Variants in ZNF316 observed in about 807,000 individuals in gnomAD.
ZNF316 encodes the protein zinc finger protein 316.
In ZNF316, 23 loss-of-function variants were observed where a neutral mutation model predicts 75.6. The observed-to-expected ratio is 0.30, with a 90% confidence interval of 0.22 to 0.43. The LOEUF is 0.43. Among genes scored for constraint, ZNF316 ranks in the 20% least tolerant of loss-of-function variants. The probability of loss-of-function intolerance (pLI) is 1.00; values close to 1 mark genes in which losing one functional copy is unlikely to be tolerated. For missense variants in ZNF316, 1,266 were observed against 1,409.4 expected (o/e 0.90, Z 1.63); for synonymous variants, 827 against 666.2 (o/e 1.24, Z -3.72).
In ZNF316 at chr7:6,654,759, T is replaced by A. The variant is rs1779588505; in HGVS notation, c.*148T>A. The A allele has an allele frequency of 1.5e-6, 1 of 658,688 alleles. No homozygotes were observed. Among genetic ancestry groups the A allele is most frequent in the Non-Finnish European group, 2.0e-6 (1 of 492,566 alleles). 40.8% of individuals were successfully genotyped at this position (658,688 alleles called of 1,614,324 possible). ...TCAGCCCTCGCCCTGCGGCCCCGGG[T>A]CTCATGCCCGCCGGGTCCGTGTGCT... On this transcript the variant is annotated 3_prime_UTR_variant, in exon 9 of 9. Coordinates refer to ENST00000382252, the MANE Select transcript of ZNF316 (RefSeq NM_001278559.2).
At position 6,653,583 on chromosome 7, in the gene ZNF316, G is replaced by A. The variant is rs1779559233; in HGVS notation, c.1987G>A (p.Gly663Ser). ...CGGCGGCGGGGCCGCGGGCGGCGGA[G>A]GCGGCCTGCGCGCGTTCGGGCCCGC... ...FGGGGAAGGG[G>S]GLRAFGPAIG... Residue 663 changes from glycine (G) to serine (S), a missense_variant, in exon 9 of 9, where the codon GGC becomes AGC. Physicochemically the swap from Gly to Ser is moderately conservative, Grantham distance 56. Transcript: ENST00000382252. The A allele has an allele frequency of 9.3e-7, 1 of 1,080,778 alleles. No homozygotes were observed. The highest frequency in any genetic ancestry group is 5.4e-5 in the Admixed American group (1 of 18,612). The allele number at this position is 1,080,778 out of a possible 1,614,324, so 66.9% of individuals were successfully genotyped here. A position where few individuals can be genotyped will look rare whatever the true frequency, so the allele number is the denominator to read the frequency against.
Position 6,639,684 on chromosome 7 carries a change from T to C in ZNF316, c.-167+543T>C, listed in dbSNP as rs1779278960. Among the ~76,000 whole-genome samples the C allele has an allele frequency of 6.6e-6, 1 of 152,164 alleles. No individual in the cohort carries two copies. Among genetic ancestry groups the C allele is most frequent in the African/African-American group, 2.4e-5 (1 of 41,428 alleles). On this transcript the variant is annotated intron_variant, in intron 3 of 8. Transcript: ENST00000382252. This position sits in a 1 kb window ranked among gnomAD's most constrained non-coding sequence, Gnocchi z 4.2. ...AGGTGGTGGCCAGGCAGGAGACAGC[T>C]CTACTGAGCTTGGCATGGCACCTAG... is the stretch of plus-strand genomic sequence containing the variant.
In ZNF316 at chr7:6,654,538, G is replaced by A. The variant is rs1779581767; in HGVS notation, c.2942G>A (p.Gly981Asp). 3.4e-6 allele frequency: 4 copies of A among 1,182,272 alleles called. No individual in the cohort carries two copies. The highest frequency in any genetic ancestry group is 4.2e-6 in the Non-Finnish European group (4 of 956,184). 73.2% of individuals were successfully genotyped at this position (1,182,272 alleles called of 1,614,324 possible). A position where few individuals can be genotyped will look rare whatever the true frequency, so the allele number is the denominator to read the frequency against. Residue 981 changes from glycine (G) to aspartate (D), a missense_variant, in exon 9 of 9, where the codon GGC becomes GAC. Transcript: ENST00000382252. ...AGCGCCCTGCTGGAGTTCGCGGGCG[G>A]CACAAGCTTCGGCTCCGAGCACCAG... The part of the protein sequence containing the change: ...RGSALLEFAG[G>D]TSFGSEHQAA...
chr7:6,654,659 C>G lies in ZNF316; in HGVS notation c.*48C>G. On this transcript the variant is annotated 3_prime_UTR_variant, in exon 9 of 9. Coordinates refer to ENST00000382252, the MANE Select transcript of ZNF316 (RefSeq NM_001278559.2). ...GCAGCCTGCAGGGCCACCGGCCCCT[C>G]CCTTGGACGGCCGGCCCCCCGCTCC... 1 of 1,161,624 alleles carries G rather than the reference C, an allele frequency of 8.6e-7. No homozygotes were observed. The highest frequency in any genetic ancestry group is 1.1e-6 in the Non-Finnish European group (1 of 942,078). 72.0% of individuals were successfully genotyped at this position (1,161,624 alleles called of 1,614,324 possible).
chr7:6,649,964 G>A (rs1382892522), intron 8 of ZNF316, among the ~76,000 whole-genome samples: 4 of 152,244 alleles, frequency 2.6e-5, no homozygotes, highest in Admixed American at 2.0e-4. Flanking sequence ...GACTTCTGTG[G>A]GCAAGGCCGC....
chr7:6,652,464 T>A lies in ZNF316; in HGVS notation c.868T>A (p.Ser290Thr), dbSNP rs1200666457. 8.1e-7 allele frequency: 1 copy of A among 1,231,600 alleles called. No homozygotes were observed. Among genetic ancestry groups the A allele is most frequent in the Non-Finnish European group, 1.0e-6 (1 of 987,782 alleles). The allele number at this position is 1,231,600 out of a possible 1,614,324, so 76.3% of individuals were successfully genotyped here. ...PGTWGPDDSD[S>T]AQTPEGWGPD... ...GACGTGGGGGCCCGACGACTCGGATTCGGCGCAGACTCCAGAGGGGTGGGG... is the reference window on the plus strand; with the variant it reads ...GACGTGGGGGCCCGACGACTCGGATACGGCGCAGACTCCAGAGGGGTGGGG... The change falls in exon 9 of 9, where the codon TCG (serine) becomes ACG (threonine). Residue 290 changes from serine (S) to threonine (T), a missense_variant. By Grantham distance (58) the Ser-to-Thr change is moderately conservative. Around this residue, in one of 3 missense-constraint regions of ZNF316, gnomAD observed 961 missense variants for 990.9 expected, o/e 0.97. Coordinates refer to ENST00000382252, the MANE Select transcript of ZNF316 (RefSeq NM_001278559.2).
chr7:6,642,120 T>C lies in ZNF316; in HGVS notation c.-29+158T>C, dbSNP rs1479663746. 15 of 329,058 alleles carry C rather than the reference T, an allele frequency of 4.6e-5. No homozygotes were observed. The East Asian group carries it at 6.4e-4, about 14-fold the overall frequency. The allele number at this position is 329,058 out of a possible 1,614,324, so 20.4% of individuals were successfully genotyped here. A position where few individuals can be genotyped will look rare whatever the true frequency, so the allele number is the denominator to read the frequency against. ...GCAGTTCACACCAGGCACGTAGTTCTTGGTGAAAAGGAGCTGAGACTGGCA... is the reference window on the plus strand; with the variant it reads ...GCAGTTCACACCAGGCACGTAGTTCCTGGTGAAAAGGAGCTGAGACTGGCA... On this transcript the variant is annotated intron_variant, in intron 4 of 8. Coordinates refer to ENST00000382252, the MANE Select transcript of ZNF316 (RefSeq NM_001278559.2). The surrounding 1 kb of genome is among the most constrained non-coding windows in gnomAD (Gnocchi z 8.1).
intron 8 of ZNF316, among the ~76,000 whole-genome samples, chr7:6,649,067 G>A (rs1394157953): frequency 1.3e-5 from 2 of 152,052 alleles, no homozygotes; most frequent in Non-Finnish European, 2.9e-5. Flanking sequence ...GATGGGGGGG[G>A]TCTTAGTGTT....
In ZNF316 at chr7:6,642,349, G is replaced by T. The variant is rs1158258228; in HGVS notation, c.-28-33G>T. On this transcript the variant is annotated intron_variant, in intron 4 of 8. Coordinates refer to ENST00000382252, the MANE Select transcript of ZNF316 (RefSeq NM_001278559.2). This position sits in a 1 kb window ranked among gnomAD's most constrained non-coding sequence, Gnocchi z 8.1. ...GAGGGGACCGTGTGGTGTGCTGAGAGCAGCCCGTCACTGGCGTCCATCTGC... is the reference window on the plus strand; with the variant it reads ...GAGGGGACCGTGTGGTGTGCTGAGATCAGCCCGTCACTGGCGTCCATCTGC... 3.6e-6 allele frequency: 4 copies of T among 1,122,468 alleles called. No homozygotes were observed. The highest frequency in any genetic ancestry group is 4.5e-6 in the Non-Finnish European group (4 of 888,580). The allele number at this position is 1,122,468 out of a possible 1,614,324, so 69.5% of individuals were successfully genotyped here.
In ZNF316 at chr7:6,654,772, G is replaced by T. The variant is rs957105480; in HGVS notation, c.*161G>T. The T allele has an allele frequency of 1.8e-6, 1 of 555,858 alleles. No homozygotes were observed. The highest frequency in any genetic ancestry group is 2.5e-6 in the Non-Finnish European group (1 of 397,962). The allele number at this position is 555,858 out of a possible 1,614,324, so 34.4% of individuals were successfully genotyped here. ...TGCGGCCCCGGGTCTCATGCCCGCC[G>T]GGTCCGTGTGCTCAGCCGGAGACGT... On this transcript the variant is annotated 3_prime_UTR_variant, in exon 9 of 9. Coordinates refer to ENST00000382252, the MANE Select transcript of ZNF316 (RefSeq NM_001278559.2).
rs1021880358 is a variant in ZNF316 at position 6,653,591 on chromosome 7, G to T, written c.1995G>T (p.Leu665=). ...GGGAAGGGGG[L]RAFGPAIGGL... ...GGGCCGCGGGCGGCGGAGGCGGCCT[G>T]CGCGCGTTCGGGCCCGCCATCGGGG... Residue 665 remains leucine (L), a synonymous_variant, in exon 9 of 9, where the codon CTG becomes CTT. Transcript: ENST00000382252. 2.1e-5 allele frequency: 22 copies of T among 1,068,082 alleles called. No homozygotes were observed. The highest frequency in any genetic ancestry group is 6.1e-5 in the East Asian group (1 of 16,492). The allele number at this position is 1,068,082 out of a possible 1,614,324, so 66.2% of individuals were successfully genotyped here. A position where few individuals can be genotyped will look rare whatever the true frequency, so the allele number is the denominator to read the frequency against.
intron 8 of ZNF316, among the ~76,000 whole-genome samples, chr7:6,646,043 C>CA (rs1319041091): frequency 2.0e-5 from 3 of 149,748 alleles, no homozygotes; most frequent in Non-Finnish European, 4.4e-5. Context: ...CCCTCACTAT[C>CA]ATGAGAACAG....
At position 6,642,234 on chromosome 7, in the gene ZNF316, G is replaced by C. The variant is rs562771917; in HGVS notation, c.-28-148G>C. 2 of 405,216 alleles carry C rather than the reference G, an allele frequency of 4.9e-6. No homozygotes were observed. Among genetic ancestry groups the C allele is most frequent in the Non-Finnish European group, 8.6e-6 (2 of 233,200 alleles). The allele number at this position is 405,216 out of a possible 1,614,324, so 25.1% of individuals were successfully genotyped here. On this transcript the variant is annotated intron_variant, in intron 4 of 8. Coordinates refer to ENST00000382252, the MANE Select transcript of ZNF316 (RefSeq NM_001278559.2). The surrounding 1 kb of genome is among the most constrained non-coding windows in gnomAD (Gnocchi z 8.1). ...GCAGGGTAAGATCGTGGGAAGGCCC[G>C]GTCCTCCCTCATCTCCATTGCCTTC...
rs1240536553 is a variant in ZNF316, at chr7:6,644,535, T to G, written c.648T>G (p.Pro216=). The change falls in exon 8 of 9, where the codon CCT becomes CCG. Residue 216 remains proline, a synonymous_variant. Transcript: ENST00000382252. ...LIFRLEQGEE[P]WVPDSPRPEE... is the part of the protein sequence containing the mutation. ...TCCGGCTGGAACAAGGGGAAGAACC[T>G]TGGGTCCCAGATAGTCCCCGACCTG... is the stretch of plus-strand genomic sequence containing the variant. 1.6e-6 allele frequency: 2 copies of G among 1,232,176 alleles called. No homozygotes were observed. Among genetic ancestry groups the G allele is most frequent in the African/African-American group, 1.6e-5 (1 of 64,424 alleles). The allele number at this position is 1,232,176 out of a possible 1,614,324, so 76.3% of individuals were successfully genotyped here.
chr7:6,651,981 A>C (rs1382760882), intron 8 of ZNF316, among the ~76,000 whole-genome samples: 1 of 152,176 alleles, frequency 6.6e-6, no homozygotes, highest in East Asian at 1.9e-4. Context: ...GTTCCTCAGC[A>C]GGTGGCAAGC....
chr7:6,642,369 A>T lies in ZNF316; in HGVS notation c.-28-13A>T. The T allele has an allele frequency of 8.3e-7, 1 of 1,202,480 alleles. No homozygotes were observed. The highest frequency in any genetic ancestry group is 1.0e-6 in the Non-Finnish European group (1 of 960,942). 74.5% of individuals were successfully genotyped at this position (1,202,480 alleles called of 1,614,324 possible). A position where few individuals can be genotyped will look rare whatever the true frequency, so the allele number is the denominator to read the frequency against. ...TGAGAGCAGCCCGTCACTGGCGTCC[A>T]TCTGCATTTCAGGCCACGTGGAGGC... On this transcript the variant is annotated splice_polypyrimidine_tract_variant and intron_variant, in intron 4 of 8. Coordinates refer to ENST00000382252, the MANE Select transcript of ZNF316 (RefSeq NM_001278559.2). The surrounding 1 kb of genome is among the most constrained non-coding windows in gnomAD (Gnocchi z 8.1).
Position 6,657,063 on chromosome 7 carries a change from G to T in ZNF316, c.*2452G>T, listed in dbSNP as rs1779640920. ...AGGCTGGAGTGCAGGGCGTGATCTC[G>T]GCTCACTGCAACCTCTGCCTCCCAG... On this transcript the variant is annotated 3_prime_UTR_variant, in exon 9 of 9. Transcript: ENST00000382252. Among the ~76,000 whole-genome samples, 1 of 151,980 alleles carries T rather than the reference G, an allele frequency of 6.6e-6. No individual in the cohort carries two copies. Among genetic ancestry groups the T allele is most frequent in the Non-Finnish European group, 1.5e-5 (1 of 67,996 alleles).
intron 8 of ZNF316, among the ~76,000 whole-genome samples, chr7:6,649,845 C>T (rs909554069): frequency 6.6e-6 from 1 of 152,148 alleles, no homozygotes; most frequent in Non-Finnish European, 1.5e-5. Flanking sequence ...TCTACAGATC[C>T]CACTGGGATG....
In ZNF316 at chr7:6,653,398, C is replaced by G; in HGVS notation, c.1802C>G (p.Pro601Arg). Reference sequence around the variant, plus strand: ...TCCCACCCGCTGGGCTTCCACTTCCCCGTGCACCCCAAGTCCTGGCTGCAC... The same window carrying G: ...TCCCACCCGCTGGGCTTCCACTTCCGCGTGCACCCCAAGTCCTGGCTGCAC... The part of the protein sequence containing the change: ...PSSHPLGFHF[P>R]VHPKSWLHPD... Residue 601 changes from proline to arginine, a missense_variant, in exon 9 of 9, where the codon CCC (proline) becomes CGC (arginine). By Grantham distance (103) the Pro-to-Arg change is moderately radical. Around this residue, in one of 3 missense-constraint regions of ZNF316, gnomAD observed 961 missense variants for 990.9 expected, o/e 0.97. Coordinates refer to ENST00000382252, the MANE Select transcript of ZNF316 (RefSeq NM_001278559.2). 7.3e-6 allele frequency: 9 copies of G among 1,227,320 alleles called. No homozygotes were observed. Among genetic ancestry groups the G allele is most frequent in the Non-Finnish European group, 9.1e-6 (9 of 985,544 alleles). The allele number at this position is 1,227,320 out of a possible 1,614,324, so 76.0% of individuals were successfully genotyped here.
Sources: gnomAD v4.1 joint callset for allele counts (sites outside exome capture counted in the v4.1 genomes callset) on GRCh38, gnomAD v4.1.1 for gene constraint, gnomAD v4.1.1 regional missense constraint, Gnocchi (gnomAD v3.1) non-coding constraint, MANE v1.5 for transcripts, NCBI Gene and HGNC (gene_info 2026-07-23, HGNC 2026-07-21) for gene names.